Variants in ASMT observed in about 807,000 individuals in gnomAD.
ASMT encodes acetylserotonin N-methyltransferase.
Under a neutral mutation model 41.3 loss-of-function variants are expected in ASMT, and 53 were observed. The observed-to-expected ratio is 1.28, with a 90% CI of 1.03 to 1.61. The LOEUF (loss-of-function observed/expected upper bound fraction) is 1.61. Among genes scored for constraint, ASMT ranks in the 40% most tolerant of loss-of-function variants. ASMT has a pLI of 0.00. For missense variants in ASMT, 531 were observed against 441.3 expected (o/e 1.20, Z -1.82); for synonymous variants, 231 against 184.8 (o/e 1.25, Z -2.03).
rs1236882128 is a variant in ASMT at position 1,619,178 on chromosome X, A to C, written c.69+3910A>C. On this transcript the variant is annotated intron_variant, in intron 1 of 8. Transcript: ENST00000381241. Reference sequence around the variant, plus strand: ...TGGGAGGCCGAGGCGGGCGGATCACAAGGTCAGGAGTTCGAGACCAGCCTG... The same window carrying C: ...TGGGAGGCCGAGGCGGGCGGATCACCAGGTCAGGAGTTCGAGACCAGCCTG... 4.0e-5 allele frequency among the ~76,000 whole-genome samples: 6 copies of C among 151,822 alleles called. No homozygotes were observed. The Admixed American group carries it at 4.0e-4, about 10-fold the overall frequency.
At chrX:1,615,645 A>G in intron 1 of ASMT, among the ~76,000 whole-genome samples, 1 of 152,118 alleles carries the variant, frequency 6.6e-6, no homozygotes. Flanking sequence ...TCTACTAAAA[A>G]TACAAAATTA....
At chrX:1,627,048 G>A (rs1332996933) in intron 3 of ASMT, among the ~76,000 whole-genome samples, 2 of 149,908 alleles carry the variant, frequency 1.3e-5, no homozygotes, top group African/African-American at 4.9e-5. Context: ...AATAAGGCCA[G>A]GTGCGGTGGC....
chrX:1,621,393 C>T (rs1349793158), intron 1 of ASMT, among the ~76,000 whole-genome samples: 2 of 151,728 alleles, frequency 1.3e-5, no homozygotes, highest in African/African-American at 4.8e-5. Flanking sequence ...TCTTGGCTCA[C>T]TGCAATCTCC....
chrX:1,634,919 C>G lies in ASMT; in HGVS notation c.788-1519C>G, dbSNP rs769601643. On this transcript the variant is annotated intron_variant, in intron 7 of 8. Coordinates refer to ENST00000381241, the MANE Select transcript of ASMT (RefSeq NM_001171038.2). ...TGACCTCGTGATCCACCTGCCTCGG[C>G]CTCCCAAAGTGCTGGGGATTACAGG... is the stretch of plus-strand genomic sequence containing the variant. Among the ~76,000 whole-genome samples, 389 of 151,766 alleles carry G rather than the reference C, an allele frequency of 2.6e-3. 3 individuals carry two copies. The highest frequency in any genetic ancestry group is 9.0e-3 in the African/African-American group (373 of 41,404).
chrX:1,627,886 T>G, intron 4 of ASMT, 115 bp downstream of exon 4: 2 of 1,033,046 alleles, frequency 1.9e-6, no homozygotes, highest in Non-Finnish European at 1.5e-6. Context: ...AAGCTGCCAT[T>G]TAATTTAAAA....
In ASMT at chrX:1,626,180, G is replaced by A. The variant is rs751937336; in HGVS notation, c.375-1523G>A. 6.0e-5 allele frequency among the ~76,000 whole-genome samples: 9 copies of A among 150,986 alleles called. No individual in the cohort carries two copies. The South Asian group carries it at 1.0e-3, about 18-fold the overall frequency. On this transcript the variant is annotated intron_variant, in intron 3 of 8. Transcript: ENST00000381241. ...CTCCACAACAGGTAGCTTTACAGGA[G>A]TATTTCAAGCTATGGTAAAGAGAAC... is the stretch of plus-strand genomic sequence containing the variant.
intron 1 of ASMT, among the ~76,000 whole-genome samples, chrX:1,622,085 C>T (rs185481688): frequency 3.9e-5 from 6 of 151,946 alleles, no homozygotes; most frequent in South Asian, 2.1e-4. Context: ...CTCTGCCTCC[C>T]GGGTTTACGC....
intron 1 of ASMT, 141 bp from the exon 2 acceptor site, chrX:1,622,998 C>CAAAA: frequency 1.7e-6 from 1 of 589,500 alleles, no homozygotes; most frequent in Non-Finnish European, 2.8e-6. Context: ...GACTCTGTCT[C>CAAAA]AAAAAAAAAA....
chrX:1,633,359 G>A lies in ASMT; in HGVS notation c.787+69G>A. On this transcript the variant is annotated intron_variant, in intron 7 of 8. Coordinates refer to ENST00000381241, the MANE Select transcript of ASMT (RefSeq NM_001171038.2). ...TCTCCAGGGGGACTGGATGTTTCTG[G>A]GAAATGAAGAAGATGTGATGTGGTT... The A allele has an allele frequency of 1.2e-5, 19 of 1,599,510 alleles. No individual in the cohort carries two copies. In the South Asian group the frequency reaches 2.1e-4, roughly 18 times the overall value.
chrX:1,633,434 T>C (rs1700642500), intron 7 of ASMT, 144 bp downstream of exon 7: 1 of 916,624 alleles, frequency 1.1e-6, no homozygotes, highest in Non-Finnish European at 1.8e-6. Flanking sequence ...CTGTTATTCA[T>C]GATGGATGGA....
intron 7 of ASMT, 43 bp from the exon 8 acceptor site, chrX:1,636,395 T>A (rs373168665): frequency 2.5e-5 from 41 of 1,613,788 alleles, no homozygotes; most frequent in Non-Finnish European, 2.6e-5. Context: ...TCAAATGGGA[T>A]TGGATTGCAG....
intron 7 of ASMT, among the ~76,000 whole-genome samples, chrX:1,634,654 C>CCG (rs201595633): frequency 8.4e-5 from 5 of 59,560 alleles, no homozygotes; most frequent in Non-Finnish European, 8.8e-5. Flanking sequence ...GCTGAGTTAA[C>CCG]CCCCCCCCTT....
rs1413146400 is a variant in ASMT at position 1,617,500 on chromosome X, G to A, written c.69+2232G>A. ...ACAAAAACCAAAAACCAGCATCATC[G>A]TGAAAGGGGGTCGTGTGCTGACGAT... On this transcript the variant is annotated intron_variant, in intron 1 of 8. Coordinates refer to ENST00000381241, the MANE Select transcript of ASMT (RefSeq NM_001171038.2). Among the ~76,000 whole-genome samples the A allele has an allele frequency of 5.3e-5, 8 of 152,012 alleles. No individual in the cohort carries two copies. In the East Asian group the frequency reaches 7.7e-4, roughly 15 times the overall value.
chrX:1,621,090 C>T lies in ASMT; in HGVS notation c.70-2049C>T, dbSNP rs558256278. On this transcript the variant is annotated intron_variant, in intron 1 of 8. Transcript: ENST00000381241. ...CAGCCTGGGTGACAGAGCGAGACTC[C>T]GTCTCAAAAAAAAGAACAAACAAAA... Among the ~76,000 whole-genome samples, 122 of 151,826 alleles carry T rather than the reference C, an allele frequency of 8.0e-4. 1 individual carries two copies. In the South Asian group the frequency reaches 0.023, roughly 28 times the overall value.
At chrX:1,630,508 T>C (rs1934734497) in intron 5 of ASMT, among the ~76,000 whole-genome samples, 1 of 152,016 alleles carries the variant, frequency 6.6e-6, no homozygotes, top group Non-Finnish European at 1.5e-5. Flanking sequence ...GGTTTTGCCA[T>C]GTTGGCCAGG....
intron 1 of ASMT, among the ~76,000 whole-genome samples, chrX:1,620,978 C>T (rs1934317768): frequency 6.6e-6 from 1 of 151,568 alleles, no homozygotes; most frequent in African/African-American, 2.4e-5. Context: ...TGCCTGTAAT[C>T]ACAGCTACTC....
chrX:1,642,565 T>C (rs1383633702), intron 8 of ASMT, among the ~76,000 whole-genome samples: 3 of 151,360 alleles, frequency 2.0e-5, no homozygotes, highest in South Asian at 2.1e-4. Context: ...TCCATCCTGA[T>C]GGTTCATGAG....
chrX:1,636,397 G>T, intron 7 of ASMT, 41 bp from the exon 8 acceptor site: 1 of 1,613,922 alleles, frequency 6.2e-7, no homozygotes, highest in Non-Finnish European at 8.5e-7. Context: ...AAATGGGATT[G>T]GATTGCAGGC....
At chrX:1,633,105 C>G (rs1490065967) in intron 6 of ASMT, 45 bp from the exon 7 acceptor site, 1 of 1,613,686 alleles carries the variant, frequency 6.2e-7, no homozygotes, top group African/African-American at 1.3e-5. Context: ...AGCGATGTCT[C>G]TCAGGTTCAT....
Sources: gnomAD v4.1 joint callset for allele counts (sites outside exome capture counted in the v4.1 genomes callset) on GRCh38, gnomAD v4.1.1 for gene constraint, MANE v1.5 for transcripts, NCBI Gene and HGNC (gene_info 2026-07-23, HGNC 2026-07-21) for gene names.